Variants in COPG1 observed in about 807,000 individuals in gnomAD.
The protein encoded by COPG1 is coatomer subunit gamma-1.
A neutral mutation model predicts 102.8 loss-of-function variants in COPG1; 29 were observed. The ratio of observed to expected loss-of-function variants is 0.28; its 90% CI spans 0.21 to 0.38. The LOEUF (loss-of-function observed/expected upper bound fraction) is 0.38. Among genes scored for constraint, COPG1 ranks in the 10% least tolerant of loss-of-function variants. COPG1 has a pLI of 1.00. For missense variants in COPG1, 875 were observed against 1,132.7 expected (o/e 0.77, Z 3.27); for synonymous variants, 406 against 421.6 (o/e 0.96, Z 0.45).
At chr3:129,269,631 G>A (rs1431645658) in intron 18 of COPG1, among the ~76,000 whole-genome samples, 6 of 152,018 alleles carry the variant, frequency 3.9e-5, no homozygotes, top group Non-Finnish European at 5.9e-5. Flanking sequence ...TGAGCCCAGT[G>A]CCTTCCTTCC....
chr3:129,267,967 G>A lies in COPG1; in HGVS notation c.1575G>A (p.Arg525=). ...RCVMDDDNEV[R]DRATFYLNVL... The stretch of plus-strand genomic sequence containing the variant: ...TGATGGATGATGACAATGAAGTAAG[G>A]GACCGAGCCACCTTCTACCTAAATG... Residue 525 remains arginine, a synonymous_variant, in exon 16 of 24, where the codon AGG becomes AGA. Coordinates refer to ENST00000314797, the MANE Select transcript of COPG1 (RefSeq NM_016128.4). The A allele has an allele frequency of 6.2e-7, 1 of 1,614,050 alleles. No homozygotes were observed. The highest frequency in any genetic ancestry group is 8.5e-7 in the Non-Finnish European group (1 of 1,179,986).
chr3:129,255,148 C>A, intron 7 of COPG1, 71 bp downstream of exon 7: 1 of 955,004 alleles, frequency 1.0e-6, no homozygotes, highest in South Asian at 1.4e-5. Context: ...AGTCACATTC[C>A]AGTAGGAAAA....
intron 18 of COPG1, among the ~76,000 whole-genome samples, chr3:129,270,807 T>G (rs1279507041): frequency 6.6e-6 from 1 of 152,212 alleles, no homozygotes; most frequent in East Asian, 1.9e-4. Context: ...ATCCCTGTTC[T>G]CATGGAGTTC....
In COPG1 at chr3:129,261,968, C is replaced by T. The variant is rs1479995680; in HGVS notation, c.1128+1161C>T. Among the ~76,000 whole-genome samples the T allele has an allele frequency of 5.9e-5, 9 of 152,066 alleles. No homozygotes were observed. In the South Asian group the frequency reaches 6.2e-4, roughly 11 times the overall value. The stretch of plus-strand genomic sequence containing the variant: ...TTGATAGAACAATGAAGTATGTCAC[C>T]GGAGAGTTTTAATCAGAGCAAACAA... On this transcript the variant is annotated intron_variant, in intron 12 of 23. Transcript: ENST00000314797.
intron 12 of COPG1, among the ~76,000 whole-genome samples, chr3:129,263,301 G>T (rs1165318085): frequency 2.6e-5 from 4 of 152,116 alleles, no homozygotes; most frequent in Non-Finnish European, 5.9e-5. Flanking sequence ...GGATGAGGGA[G>T]GGGGAAGGAG....
chr3:129,260,877 A>C (rs781266493), intron 12 of COPG1, 70 bp downstream of exon 12: 152 of 1,516,322 alleles, frequency 1.0e-4, no homozygotes, highest in Non-Finnish European at 1.2e-4. Context: ...CTGTGGCCAC[A>C]GCCTTCCTGC....
chr3:129,255,919 G>A, intron 7 of COPG1, 149 bp from the exon 8 acceptor site: 2 of 610,858 alleles, frequency 3.3e-6, no homozygotes, highest in South Asian at 1.9e-5. Flanking sequence ...GACATTGAGG[G>A]TGGGAGCATC....
intron 23 of COPG1, 110 bp from the exon 24 acceptor site, chr3:129,277,184 C>T (rs558986329): frequency 3.0e-5 from 34 of 1,117,668 alleles, no homozygotes; most frequent in South Asian, 1.1e-4. Flanking sequence ...CTCTCCTGCC[C>T]GTTTCACTAC....
At position 129,252,307 on chromosome 3, in the gene COPG1, C is replaced by T. The variant is rs1437191030; in HGVS notation, c.117C>T (p.Ile39=). The T allele has an allele frequency of 6.2e-7, 1 of 1,612,860 alleles. No homozygotes were observed. Among genetic ancestry groups the T allele is most frequent in the East Asian group, 2.2e-5 (1 of 44,866 alleles). ...QEARVFNETP[I]NPRKCAHILT... Reference sequence around the variant, plus strand: ...CCCGTGTATTTAATGAAACTCCCATCAACCCTCGGAAATGTGCCCACATCC... The same window carrying T: ...CCCGTGTATTTAATGAAACTCCCATTAACCCTCGGAAATGTGCCCACATCC... The change falls in exon 3 of 24, where the codon ATC becomes ATT. Residue 39 remains isoleucine, a synonymous_variant. Transcript: ENST00000314797.
chr3:129,254,000 C>CAA (rs58354730), intron 5 of COPG1, among the ~76,000 whole-genome samples: 9 of 74,010 alleles, frequency 1.2e-4, no homozygotes, highest in East Asian at 5.0e-4. Flanking sequence ...GACTGCGTCT[C>CAA]AAAAAAAAAA....
rs760874961 is a variant in COPG1, at chr3:129,265,844, T to C, written c.1468+52T>C. 13 of 1,582,744 alleles carry C rather than the reference T, an allele frequency of 8.2e-6. 1 individual carries two copies. In the East Asian group the frequency reaches 2.3e-4, roughly 27 times the overall value. The stretch of plus-strand genomic sequence containing the variant: ...GAAACTTAGCTTACCCTTGAATAAA[T>C]GTCCCAGCAAAGGGACCTGAGCCTC... On this transcript the variant is annotated intron_variant, in intron 14 of 23. Transcript: ENST00000314797.
chr3:129,251,009 C>T (rs1481209245), intron 2 of COPG1: 5 of 326,046 alleles, frequency 1.5e-5, no homozygotes, highest in African/African-American at 9.0e-5. Context: ...CTGCAAGCTC[C>T]GCCTTCCAGG....
In COPG1 at chr3:129,250,753, C is replaced by T. The variant is rs376876037; in HGVS notation, c.90+19C>T. The T allele has an allele frequency of 6.2e-7, 1 of 1,605,222 alleles. No individual in the cohort carries two copies. The highest frequency in any genetic ancestry group is 8.5e-7 in the Non-Finnish European group (1 of 1,172,034). On this transcript the variant is annotated intron_variant, in intron 2 of 23. Coordinates refer to ENST00000314797, the MANE Select transcript of COPG1 (RefSeq NM_016128.4). ...CCAGGAGGCAAGTGACATTTGCTCC[C>T]CTCTAGCTTCCATCATAAATATTCA...
At position 129,277,685 on chromosome 3, in the gene COPG1, T is replaced by G. The variant is rs1238320852; in HGVS notation, c.*261T>G. On this transcript the variant is annotated 3_prime_UTR_variant, in exon 24 of 24. Coordinates refer to ENST00000314797, the MANE Select transcript of COPG1 (RefSeq NM_016128.4). ...CCACCCTTCCAGGAAAGGGACATTG[T>G]AAATGAATAAAACATTCTCAACTCC... 1 of 373,054 alleles carries G rather than the reference T, an allele frequency of 2.7e-6. No homozygotes were observed. The highest frequency in any genetic ancestry group is 2.1e-5 in the African/African-American group (1 of 48,584). 23.1% of individuals were successfully genotyped at this position (373,054 alleles called of 1,614,324 possible).
At chr3:129,252,576 G>A in intron 3 of COPG1, 47 bp from the exon 4 acceptor site, 1 of 1,507,792 alleles carries the variant, frequency 6.6e-7, no homozygotes, top group Non-Finnish European at 9.2e-7. Flanking sequence ...AAGAACTGCT[G>A]TCTGACCCTC....
At chr3:129,267,570 G>A (rs978386332) in intron 15 of COPG1, among the ~76,000 whole-genome samples, 3 of 152,038 alleles carry the variant, frequency 2.0e-5, no homozygotes, top group Admixed American at 6.5e-5. Context: ...GCAGTGAGCC[G>A]AGATCATGCC....
chr3:129,260,216 G>A lies in COPG1; in HGVS notation c.872-117G>A, dbSNP rs187743663. On this transcript the variant is annotated intron_variant, in intron 10 of 23. Transcript: ENST00000314797. ...GAGCTCTGTGTCTTGGGTTGGGATG[G>A]GGGTGTCAGCAGGGAAATGAGCTGA... The A allele has an allele frequency of 2.6e-5, 23 of 887,662 alleles. No individual in the cohort carries two copies. The African/African-American group carries it at 3.8e-4, about 15-fold the overall frequency. 55.0% of individuals were successfully genotyped at this position (887,662 alleles called of 1,614,324 possible). A position where few individuals can be genotyped will look rare whatever the true frequency, so the allele number is the denominator to read the frequency against.
In COPG1 at chr3:129,277,343, T is replaced by G; in HGVS notation, c.2544T>G (p.Leu848=). 1.2e-6 allele frequency: 2 copies of G among 1,614,052 alleles called. No homozygotes were observed. The highest frequency in any genetic ancestry group is 1.7e-6 in the Non-Finnish European group (2 of 1,180,002). ...HDILVRSRLL[L]LDTVTMQVTA... is the part of the protein sequence containing the mutation. ...TCCTGGTGCGCTCCCGGCTGCTGCTTTTGGACACAGTGACAATGCAGGTGA... is the reference window on the plus strand; with the variant it reads ...TCCTGGTGCGCTCCCGGCTGCTGCTGTTGGACACAGTGACAATGCAGGTGA... The change falls in exon 24 of 24, where the codon CTT becomes CTG. Residue 848 remains leucine, a synonymous_variant. Transcript: ENST00000314797.
rs754913505 is a variant in COPG1, at chr3:129,252,653, G to A, written c.202G>A (p.Glu68Lys). 1.9e-6 allele frequency: 3 copies of A among 1,614,032 alleles called. No homozygotes were observed. The highest frequency in any genetic ancestry group is 1.3e-5 in the African/African-American group (1 of 74,924). Residue 68 changes from glutamate to lysine, a missense_variant, in exon 4 of 24, where the codon GAG becomes AAG. Glu to Lys is a moderately conservative substitution (Grantham distance 56). Coordinates refer to ENST00000314797, the MANE Select transcript of COPG1 (RefSeq NM_016128.4). The stretch of plus-strand genomic sequence containing the variant: ...GCACCTGGGGACCACGGAAGCGACC[G>A]AGGCCTTCTTTGCCATGACCAAGCT... Reference protein sequence around the residue: ...GEHLGTTEATEAFFAMTKLFQ... With the variant: ...GEHLGTTEATKAFFAMTKLFQ...
Sources: allele counts gnomAD v4.1 joint callset (sites outside exome capture counted in the v4.1 genomes callset), GRCh38; gene constraint gnomAD v4.1.1; transcripts MANE v1.5; gene names NCBI Gene and HGNC (gene_info 2026-07-23, HGNC 2026-07-21).